LINGO2: variants seen among roughly 807,000 people sequenced by gnomAD.
The protein encoded by LINGO2 is leucine rich repeat and Ig domain containing 2.
LINGO2 carries 14 observed loss-of-function variants against 30.6 expected under a neutral mutation model. That is an observed-to-expected ratio of 0.46 (90% CI 0.30 to 0.72). LINGO2 has a LOEUF of 0.72. Ranked by LOEUF, LINGO2 falls within the 30% of genes least tolerant of loss-of-function variation. The pLI, the probability that LINGO2 is intolerant of heterozygous loss-of-function variation, is 0.07. For missense variants in LINGO2, 729 were observed against 751.7 expected (o/e 0.97, Z 0.35); for synonymous variants, 317 against 288.5 (o/e 1.10, Z -1.00).
rs1822934980 is a variant in LINGO2 at position 28,018,167 on chromosome 9, G to C, written c.-86-5762C>G. ...ACTGGCTAGCCATATGCAGAAAATT[G>C]AAACTGGACCCCTTCCTTACACCAT... is the stretch of plus-strand genomic sequence containing the variant. On this transcript the variant is annotated intron_variant, in intron 4 of 5. Transcript: ENST00000379992. Among the ~76,000 whole-genome samples the C allele has an allele frequency of 2.0e-5, 3 of 152,130 alleles. No individual in the cohort carries two copies. The South Asian group carries it at 6.2e-4, about 31-fold the overall frequency.
intron 5 of LINGO2, among the ~76,000 whole-genome samples, chr9:27,974,250 C>T (rs113775369): frequency 1.1e-4 from 17 of 152,226 alleles, no homozygotes; most frequent in South Asian, 2.1e-4. Context: ...GATGTTACCT[C>T]AAGCTGCAAT....
chr9:28,645,650 A>C (rs1398297427), intron 1 of LINGO2, among the ~76,000 whole-genome samples: 1 of 152,144 alleles, frequency 6.6e-6, no homozygotes, highest in Admixed American at 6.6e-5. Flanking sequence ...CTAGAAAAAA[A>C]TAAGACAAGT....
intron 4 of LINGO2, among the ~76,000 whole-genome samples, chr9:28,181,184 C>T (rs1828900295): frequency 6.6e-6 from 1 of 152,136 alleles, no homozygotes; most frequent in Non-Finnish European, 1.5e-5. Context: ...TCACGTGCAG[C>T]TCTTACCACC....
the LINGO2 span, among the ~76,000 whole-genome samples, chr9:28,804,661 T>G: frequency 6.6e-6 from 1 of 152,098 alleles, no homozygotes; most frequent in South Asian, 2.1e-4. Flanking sequence ...AATTTGTCTA[T>G]ATTCTAAGGT....
the LINGO2 span, among the ~76,000 whole-genome samples, chr9:29,069,470 T>C: frequency 6.8e-6 from 1 of 146,840 alleles, no homozygotes; most frequent in East Asian, 2.0e-4. Flanking sequence ...AAACACTTTA[T>C]TAAAGGGAAT....
chr9:28,176,953 A>G (rs1385878579), intron 4 of LINGO2, among the ~76,000 whole-genome samples: 2 of 152,282 alleles, frequency 1.3e-5, no homozygotes, highest in East Asian at 3.9e-4. Flanking sequence ...CTTTGATGTC[A>G]TCTTAGTTAC....
intron 4 of LINGO2, among the ~76,000 whole-genome samples, chr9:28,117,757 C>T (rs1202790895): frequency 6.7e-6 from 1 of 149,920 alleles, no homozygotes; most frequent in Non-Finnish European, 1.5e-5. Flanking sequence ...CAATGCCTTG[C>T]CCTGCTTCGG....
At chr9:28,242,412 C>T (rs184206779) in intron 4 of LINGO2, among the ~76,000 whole-genome samples, 1 of 151,442 alleles carries the variant, frequency 6.6e-6, no homozygotes, top group Non-Finnish European at 1.5e-5. Context: ...GGCAGGCAGA[C>T]AAGATTAAAG....
chr9:28,824,848 G>T, the LINGO2 span, among the ~76,000 whole-genome samples: 339 of 152,276 alleles, frequency 2.2e-3, no homozygotes, highest in African/African-American at 7.8e-3. Flanking sequence ...CACAAGACTG[G>T]TGTTAAATCA....
the LINGO2 span, among the ~76,000 whole-genome samples, chr9:29,020,380 C>T: frequency 6.6e-6 from 1 of 152,154 alleles, no homozygotes; most frequent in Non-Finnish European, 1.5e-5. Context: ...AATCTCAATA[C>T]ATTTTACTTC....
At chr9:28,943,837 A>T in the LINGO2 span, among the ~76,000 whole-genome samples, 3 of 152,300 alleles carry the variant, frequency 2.0e-5, no homozygotes, top group Non-Finnish European at 4.4e-5. Flanking sequence ...TATAATATCT[A>T]GGCAATCACA....
the LINGO2 span, among the ~76,000 whole-genome samples, chr9:28,769,489 TATATATATATATATATATATATA>T: frequency 4.8e-4 from 3 of 6,198 alleles, no homozygotes; most frequent in Admixed American, 2.2e-3. Flanking sequence ...TATATATATA[TATATATATATATATATATATATA>T]TATATATTTT....
intron 5 of LINGO2, among the ~76,000 whole-genome samples, chr9:27,980,945 C>G (rs1244363856): frequency 2.0e-5 from 3 of 151,804 alleles, no homozygotes; most frequent in Admixed American, 1.3e-4. Flanking sequence ...ATGTGCAGAA[C>G]AGAAATTTAA....
intron 1 of LINGO2, among the ~76,000 whole-genome samples, chr9:28,569,617 G>T (rs946276633): frequency 1.5e-5 from 2 of 132,266 alleles, no homozygotes; most frequent in Non-Finnish European, 3.2e-5. Flanking sequence ...ATGGTTACCA[G>T]GGGCTGGGGG....
Position 28,545,028 on chromosome 9 carries a change from T to C in LINGO2, c.-364-69003A>G, listed in dbSNP as rs527774533. 3.3e-5 allele frequency among the ~76,000 whole-genome samples: 5 copies of C among 151,996 alleles called. 1 individual carries two copies. Among genetic ancestry groups the C allele is most frequent in the African/African-American group, 1.2e-4 (5 of 41,516 alleles). ...TTTATAGTCATTGTCAAAGCAACCC[T>C]AAAACAATTATTATTTGCATTTGAG... is the stretch of plus-strand genomic sequence containing the variant. On this transcript the variant is annotated intron_variant, in intron 1 of 5. Coordinates refer to ENST00000379992, the Ensembl canonical transcript of LINGO2.
the LINGO2 span, among the ~76,000 whole-genome samples, chr9:28,978,546 A>G: frequency 6.6e-6 from 1 of 152,100 alleles, no homozygotes; most frequent in Non-Finnish European, 1.5e-5. Flanking sequence ...GGAAAATAAG[A>G]AAAAATGGAA....
At chr9:28,119,429 C>G (rs1449193095) in intron 4 of LINGO2, among the ~76,000 whole-genome samples, 1 of 152,168 alleles carries the variant, frequency 6.6e-6, no homozygotes, top group Non-Finnish European at 1.5e-5. Context: ...TACTGCTTAA[C>G]AAACATATAT....
intron 4 of LINGO2, among the ~76,000 whole-genome samples, chr9:28,263,327 A>T (rs552107518): frequency 4.0e-5 from 6 of 151,874 alleles, no homozygotes; most frequent in Non-Finnish European, 8.8e-5. Context: ...CTGATTAAAG[A>T]CCCTAATTAC....
chr9:29,180,623 A>G, the LINGO2 span, among the ~76,000 whole-genome samples: 1 of 152,162 alleles, frequency 6.6e-6, no homozygotes, highest in African/African-American at 2.4e-5. Flanking sequence ...GTGATCACAC[A>G]CTTTTTCAAA....
Sources: gnomAD v4.1 joint callset for allele counts (sites outside exome capture counted in the v4.1 genomes callset) on GRCh38, gnomAD v4.1.1 for gene constraint, MANE v1.5 for transcripts, NCBI Gene and HGNC (gene_info 2026-07-23, HGNC 2026-07-21) for gene names.